The following SIRPG variants were observed in gnomAD, a reference collection of about 807,000 sequenced individuals.
SIRPG encodes signal-regulatory protein gamma.
A neutral mutation model predicts 35.7 loss-of-function variants in SIRPG; 38 were observed. The observed-to-expected ratio is 1.06, with a 90% confidence interval of 0.82 to 1.40. The LOEUF (loss-of-function observed/expected upper bound fraction) is 1.40. SIRPG is among the 40% of genes most tolerant of loss of function. The probability of loss-of-function intolerance (pLI) is 0.00; values close to 1 mark genes in which losing one functional copy is unlikely to be tolerated. For synonymous variants in SIRPG, 215 were observed against 190.4 expected, an observed-to-expected ratio of 1.13 and a Z score of -1.06; for missense variants, 519 against 483.0, an observed-to-expected ratio of 1.07 and a Z score of -0.70.
chr20:1,672,999 A>T, the SIRPG span, among the ~76,000 whole-genome samples: 1 of 152,230 alleles, frequency 6.6e-6, no homozygotes, highest in African/African-American at 2.4e-5. Context: ...AATCAGAAAA[A>T]TGAAGGCAGT....
At chr20:1,630,127 G>A (rs1316134963) in intron 5 of SIRPG, 95 bp downstream of exon 5, 13 of 969,566 alleles carry the variant, frequency 1.3e-5, no homozygotes, top group Admixed American at 4.1e-5. Context: ...TTAACTCCAC[G>A]GACCCTGGTG....
chr20:1,640,987 G>T (rs1265103274), intron 2 of SIRPG, among the ~76,000 whole-genome samples: 1 of 152,162 alleles, frequency 6.6e-6, no homozygotes, highest in East Asian at 1.9e-4. Context: ...TAAACTTTTT[G>T]ATGTGCTGCG....
At chr20:1,677,294 A>G in the SIRPG span, among the ~76,000 whole-genome samples, 1 of 152,218 alleles carries the variant, frequency 6.6e-6, no homozygotes, top group Non-Finnish European at 1.5e-5. Context: ...CTTTCTGGCC[A>G]TATGGAGTAT....
intron 2 of SIRPG, among the ~76,000 whole-genome samples, chr20:1,642,805 T>C (rs973937421): frequency 6.6e-6 from 1 of 152,208 alleles, no homozygotes; most frequent in African/African-American, 2.4e-5. Flanking sequence ...TTGGAAAGGA[T>C]TGTATTTCTC....
the SIRPG span, among the ~76,000 whole-genome samples, chr20:1,669,748 CA>C: frequency 6.6e-6 from 1 of 152,162 alleles, no homozygotes; most frequent in Non-Finnish European, 1.5e-5. Flanking sequence ...AGTTGTGCAT[CA>C]AAATCTTAGT....
intron 1 of SIRPG, among the ~76,000 whole-genome samples, chr20:1,656,970 C>T (rs2091979921): frequency 6.6e-6 from 1 of 152,106 alleles, no homozygotes; most frequent in Non-Finnish European, 1.5e-5. Context: ...AATAACGGAG[C>T]ACTAGGCATA....
At chr20:1,654,290 C>T (rs757299593) in intron 1 of SIRPG, among the ~76,000 whole-genome samples, 3 of 149,604 alleles carry the variant, frequency 2.0e-5, no homozygotes, top group Admixed American at 6.7e-5. Context: ...CTAATTTCAA[C>T]ATTGACTACA....
intron 1 of SIRPG, among the ~76,000 whole-genome samples, chr20:1,657,034 A>G (rs926965915): frequency 1.3e-5 from 2 of 152,170 alleles, no homozygotes; most frequent in African/African-American, 2.4e-5. Flanking sequence ...CCTTAATCCA[A>G]TATGGCTGAT....
rs746356323 is a variant in SIRPG at position 1,636,328 on chromosome 20, A to T, written c.608T>A (p.Val203Glu). The change falls in exon 3 of 6, where the codon GTG (valine) becomes GAG (glutamate). Residue 203 changes from valine to glutamate, a missense_variant. By Grantham distance (121) the Val-to-Glu change is moderately radical (BLOSUM62 -2). Coordinates refer to ENST00000303415, the MANE Select transcript of SIRPG (RefSeq NM_018556.4). ...QTNVDPTGQS[V>E]AYSIRSTARV... ...GGCTGTGCTGCGGATGCTGTAGGCC[A>T]CACTCTGTCCTGTGGGGTCCACGTT... 3.3e-5 allele frequency: 54 copies of T among 1,614,132 alleles called. No homozygotes were observed. Among genetic ancestry groups the T allele is most frequent in the Non-Finnish European group, 4.3e-5 (51 of 1,180,046 alleles).
chr20:1,660,141 G>A (rs960688741), upstream of SIRPG, among the ~76,000 whole-genome samples: 1 of 152,064 alleles, frequency 6.6e-6, no homozygotes, highest in Admixed American at 6.6e-5. Flanking sequence ...AACAGAAATA[G>A]GCGGGCATGA....
At chr20:1,654,645 C>T (rs573334887) in intron 1 of SIRPG, among the ~76,000 whole-genome samples, 3 of 152,158 alleles carry the variant, frequency 2.0e-5, no homozygotes, top group South Asian at 2.1e-4. Flanking sequence ...GGATTTGAGC[C>T]CCAAAGCACA....
At chr20:1,652,703 A>C (rs1419111535) in intron 1 of SIRPG, among the ~76,000 whole-genome samples, 2 of 152,252 alleles carry the variant, frequency 1.3e-5, no homozygotes, top group African/African-American at 4.8e-5. Context: ...ATACTTTCAC[A>C]AGATGATAAC....
chr20:1,671,783 T>C, the SIRPG span, among the ~76,000 whole-genome samples: 1,435 of 152,368 alleles, frequency 9.4e-3, 23 homozygotes, highest in African/African-American at 0.033. Context: ...TGGCTAGTTA[T>C]CTGCAGCAGG....
At chr20:1,633,863 A>G (rs139594013) in intron 4 of SIRPG, 57 of 152,514 alleles carry the variant, frequency 3.7e-4, no homozygotes, top group African/African-American at 1.1e-3. Flanking sequence ...AATGCCCAGC[A>G]GAAGAGGACT....
the SIRPG span, among the ~76,000 whole-genome samples, chr20:1,668,431 C>T: frequency 3.9e-5 from 6 of 151,926 alleles, no homozygotes; most frequent in African/African-American, 9.7e-5. Flanking sequence ...TACAGGCACA[C>T]ACCCACCATG....
At chr20:1,672,552 T>C in the SIRPG span, among the ~76,000 whole-genome samples, 1 of 152,204 alleles carries the variant, frequency 6.6e-6, no homozygotes, top group Admixed American at 6.5e-5. Flanking sequence ...AAAACAGGTT[T>C]GCAGTTTAGA....
At chr20:1,666,126 G>GA in the SIRPG span, among the ~76,000 whole-genome samples, 188 of 116,844 alleles carry the variant, frequency 1.6e-3, 1 homozygote, top group African/African-American at 4.7e-3. Flanking sequence ...GTTTAAAAAA[G>GA]AAAAAAAAAA....
At chr20:1,633,655 C>G (rs1463396389) in intron 4 of SIRPG, 3 of 152,202 alleles carry the variant, frequency 2.0e-5, no homozygotes, top group African/African-American at 7.2e-5. Context: ...ACTCTTCCAG[C>G]AGACAGGGAC....
chr20:1,681,516 T>A, the SIRPG span, among the ~76,000 whole-genome samples: 9 of 152,138 alleles, frequency 5.9e-5, no homozygotes, highest in Non-Finnish European at 1.2e-4. Context: ...CAACAGTGTC[T>A]GCCACATGGA....
Sources: gnomAD v4.1 joint callset for allele counts (sites outside exome capture counted in the v4.1 genomes callset) on GRCh38, gnomAD v4.1.1 for gene constraint, MANE v1.5 for transcripts, NCBI Gene and HGNC (gene_info 2026-07-23, HGNC 2026-07-21) for gene names.